USP28: variants seen among roughly 807,000 people sequenced by gnomAD.
The protein encoded by USP28 is ubiquitin specific peptidase 28, also known as ubiquitin carboxyl-terminal hydrolase 28.
Under a neutral mutation model 145.0 loss-of-function variants are expected in USP28, and 113 were observed. The ratio of observed to expected loss-of-function variants is 0.78; its 90% CI spans 0.67 to 0.91. The LOEUF is 0.91. USP28 is among the 40% of genes least tolerant of loss of function. USP28 has a pLI of 0.00. For synonymous variants in USP28, 447 were observed against 450.9 expected (o/e 0.99, Z 0.11); for missense variants, 1,201 against 1,289.6 (o/e 0.93, Z 1.05).
At chr11:113,874,755 A>C in intron 1 of USP28, 1 of 1,160,970 alleles carries the variant, frequency 8.6e-7, no homozygotes, top group Non-Finnish European at 1.1e-6. Flanking sequence ...GGGTTCTTTC[A>C]CTCTCACCAG....
intron 3 of USP28, among the ~76,000 whole-genome samples, 154 bp downstream of exon 3, chr11:113,852,347 G>T (rs1013308911): frequency 2.6e-5 from 4 of 152,226 alleles, no homozygotes; most frequent in Non-Finnish European, 5.9e-5. Context: ...TACGTGCTTA[G>T]AATTGTGCCT....
intron 5 of USP28, among the ~76,000 whole-genome samples, chr11:113,840,211 C>T (rs1945045240): frequency 6.6e-6 from 1 of 152,116 alleles, no homozygotes; most frequent in Admixed American, 6.5e-5. Context: ...ATTTGATCTC[C>T]TCAGCGCCTC....
At chr11:113,815,499 A>C in intron 13 of USP28, 117 bp from the exon 14 acceptor site, 1 of 933,964 alleles carries the variant, frequency 1.1e-6, no homozygotes, top group South Asian at 1.7e-5. Flanking sequence ...AGTGAGCATT[A>C]ACTCTATAAA....
In USP28 at chr11:113,861,699, T is replaced by C. The variant is rs376922068; in HGVS notation, c.58-7364A>G. ...ACTACCATTAACAGTTTCTGTTATC[T>C]TTCCCGAAATTGTCTATGCACATGA... On this transcript the variant is annotated intron_variant, in intron 1 of 24. Coordinates refer to ENST00000003302, the Ensembl canonical transcript of USP28. 6.6e-5 allele frequency among the ~76,000 whole-genome samples: 10 copies of C among 152,360 alleles called. No homozygotes were observed. In the South Asian group the frequency reaches 1.9e-3, roughly 28 times the overall value.
At chr11:113,861,139 A>C (rs933693883) in intron 1 of USP28, among the ~76,000 whole-genome samples, 96 of 151,550 alleles carry the variant, frequency 6.3e-4, no homozygotes, top group African/African-American at 2.2e-3. Context: ...AAAAAAAAAA[A>C]CCACCTCTGT....
rs1948771348 is a variant in USP28, at chr11:113,871,153, A to C, written c.57+4292T>G. Among the ~76,000 whole-genome samples, 4 of 152,328 alleles carry C rather than the reference A, an allele frequency of 2.6e-5. No individual in the cohort carries two copies. In the South Asian group the frequency reaches 8.3e-4, roughly 32 times the overall value. ...ATATTCCCACCTTGGCACAGTTATC[A>C]ACACGAGGTCATTGAACACAGAGCT... On this transcript the variant is annotated intron_variant, in intron 1 of 24. Transcript: ENST00000003302.
chr11:113,833,956 T>C (rs563108779), intron 6 of USP28, among the ~76,000 whole-genome samples: 14 of 152,292 alleles, frequency 9.2e-5, no homozygotes, highest in East Asian at 5.8e-4. Context: ...CAGCATCACA[T>C]TGCCTAAGCA....
intron 3 of USP28, among the ~76,000 whole-genome samples, chr11:113,843,666 T>C (rs1486028369): frequency 8.3e-6 from 1 of 120,530 alleles, no homozygotes; most frequent in South Asian, 2.5e-4. Context: ...AGCGAAACTC[T>C]ATCTCAAAAA....
chr11:113,869,854 A>G (rs1191812929), intron 1 of USP28, among the ~76,000 whole-genome samples: 1 of 152,140 alleles, frequency 6.6e-6, no homozygotes, highest in Non-Finnish European at 1.5e-5. Context: ...TATAGAAGTC[A>G]TTTGCAACTC....
At chr11:113,810,712 G>C (rs556095896) in intron 16 of USP28, among the ~76,000 whole-genome samples, 18 of 152,320 alleles carry the variant, frequency 1.2e-4, no homozygotes, top group East Asian at 3.9e-4. Flanking sequence ...GTCTCACTCT[G>C]TTGCCCAGGC....
chr11:113,827,620 C>T (rs953621784), intron 10 of USP28, among the ~76,000 whole-genome samples: 2 of 152,212 alleles, frequency 1.3e-5, no homozygotes, highest in African/African-American at 4.8e-5. Context: ...ACTCAACCAT[C>T]ATCCTCAGAA....
At chr11:113,815,332 G>A in exon 14 of USP28, 5 of 1,614,130 alleles carry the variant, frequency 3.1e-6, no homozygotes, top group African/African-American at 1.3e-5. Flanking sequence ...AGAATCTTCA[G>A]GAGAAGAAAA....
intron 24 of USP28, among the ~76,000 whole-genome samples, chr11:113,799,732 A>G (rs1938598003): frequency 6.6e-6 from 1 of 152,256 alleles, no homozygotes; most frequent in African/African-American, 2.4e-5. Flanking sequence ...TCAAATGTTT[A>G]CAATATATCA....
At chr11:113,811,540 C>T (rs1049237652) in intron 16 of USP28, among the ~76,000 whole-genome samples, 1 of 152,006 alleles carries the variant, frequency 6.6e-6, no homozygotes, top group Non-Finnish European at 1.5e-5. Context: ...ATACAAAAAT[C>T]AGCTGGGCAT....
intron 24 of USP28, among the ~76,000 whole-genome samples, chr11:113,801,122 G>T (rs1413730552): frequency 6.6e-6 from 1 of 152,198 alleles, no homozygotes; most frequent in Non-Finnish European, 1.5e-5. Context: ...GGGATTACAG[G>T]TGTGAGCCAC....
intron 1 of USP28, among the ~76,000 whole-genome samples, chr11:113,862,153 C>T (rs1488005833): frequency 6.6e-6 from 1 of 152,054 alleles, no homozygotes. Context: ...TCAAGACCAG[C>T]CTGGCCAACA....
At chr11:113,859,307 C>A (rs1363450530) in intron 1 of USP28, 1 of 152,134 alleles carries the variant, frequency 6.6e-6, no homozygotes, top group Non-Finnish European at 1.5e-5. Flanking sequence ...AAAGCTAAAT[C>A]AAAGATAGCT....
intron 4 of USP28, among the ~76,000 whole-genome samples, chr11:113,841,088 C>A (rs3802852): frequency 0.12 from 18,138 of 152,144 alleles, 1,087 homozygotes; most frequent in Middle Eastern, 0.18. Flanking sequence ...TCGAATAGGG[C>A]AGGAGAGACA....
chr11:113,875,521 G>GGGTCACCGGTCTCCCGCCGCAGCCGCC, exon 1 of USP28: 1 of 1,154,058 alleles, frequency 8.7e-7, no homozygotes, highest in Non-Finnish European at 1.1e-6. Flanking sequence ...GCCCAGCCGC[G>GGGTCACCGGTCTCCCGCCGCAGCCGCC]GGTCACCGGT....
Sources: gnomAD v4.1 joint callset for allele counts (sites outside exome capture counted in the v4.1 genomes callset) on GRCh38, gnomAD v4.1.1 for gene constraint, MANE v1.5 for transcripts, NCBI Gene and HGNC (gene_info 2026-07-23, HGNC 2026-07-21) for gene names.